SLC25A30: variants seen among roughly 807,000 people sequenced by gnomAD.
SLC25A30 encodes kidney mitochondrial carrier protein 1.
Under a neutral mutation model 42.7 loss-of-function variants are expected in SLC25A30, and 29 were observed. The observed-to-expected ratio is 0.68, with a 90% CI of 0.51 to 0.93. The LOEUF (loss-of-function observed/expected upper bound fraction) is 0.93. Among genes scored for constraint, SLC25A30 ranks in the 40% least tolerant of loss-of-function variants. The probability of loss-of-function intolerance (pLI) is 0.00; values close to 1 mark genes in which losing one functional copy is unlikely to be tolerated. For missense variants in SLC25A30, 300 were observed against 359.7 expected (o/e 0.83, Z 1.34); for synonymous variants, 124 against 131.0 (o/e 0.95, Z 0.37).
chr13:45,411,995 G>A (rs1351921226), intron 1 of SLC25A30: 3 of 118,906 alleles, frequency 2.5e-5, no homozygotes, highest in East Asian at 5.9e-4. Context: ...CTATCTTAGT[G>A]AGTCCTTACT....
rs1881117270 is a variant in SLC25A30, at chr13:45,393,762, G to A, written c.*2212C>T. 9.1e-6 allele frequency: 9 copies of A among 985,226 alleles called. No homozygotes were observed. In the South Asian group the frequency reaches 3.8e-4, roughly 41 times the overall value. The allele number at this position is 985,226 out of a possible 1,614,324, so 61.0% of individuals were successfully genotyped here. On this transcript the variant is annotated 3_prime_UTR_variant, in exon 10 of 10. Coordinates refer to ENST00000519676, the MANE Select transcript of SLC25A30 (RefSeq NM_001010875.4). ...AGCAGGTTAAGATCCTGTTCAATAAGGCACTTAATAAGTCTACACTGAAGA... is the reference window on the plus strand; with the variant it reads ...AGCAGGTTAAGATCCTGTTCAATAAAGCACTTAATAAGTCTACACTGAAGA...
At chr13:45,402,460 T>G in intron 5 of SLC25A30, 90 bp from the exon 6 acceptor site, 2 of 1,048,836 alleles carry the variant, frequency 1.9e-6, no homozygotes, top group Non-Finnish European at 2.9e-6. Context: ...AGTCCGTCAG[T>G]CAGTTGCTTA....
chr13:45,425,013 A>T, the SLC25A30 span, among the ~76,000 whole-genome samples: 18 of 14,550 alleles, frequency 1.2e-3, no homozygotes, highest in East Asian at 7.1e-3. Context: ...AATATATATA[A>T]ATATACATAT....
At chr13:45,405,785 T>C in intron 4 of SLC25A30, 98 bp downstream of exon 4, 5 of 1,082,728 alleles carry the variant, frequency 4.6e-6, no homozygotes, top group Middle Eastern at 2.1e-4. Context: ...AGTAGGAAAG[T>C]CACAAATAAG....
the SLC25A30 span, among the ~76,000 whole-genome samples, chr13:45,432,768 G>A: frequency 7.0e-4 from 106 of 151,632 alleles, no homozygotes; most frequent in African/African-American, 2.3e-3. Context: ...CAGGTGTGGT[G>A]GTTTGCACCT....
chr13:45,423,259 T>C (rs1250236045), upstream of SLC25A30, among the ~76,000 whole-genome samples: 2 of 151,896 alleles, frequency 1.3e-5, no homozygotes, highest in Non-Finnish European at 2.9e-5. Flanking sequence ...TTGTAAGTCC[T>C]GCTAAAAAGT....
chr13:45,431,261 G>A, the SLC25A30 span, among the ~76,000 whole-genome samples: 37,287 of 37,312 alleles, frequency 1, 18,631 homozygotes, highest in Middle Eastern at 1. Context: ...TGCCTAGGCT[G>A]GTCTCGAACT....
intron 9 of SLC25A30, 104 bp from the exon 10 acceptor site, chr13:45,396,119 C>G: frequency 1.9e-6 from 3 of 1,608,770 alleles, no homozygotes; most frequent in Non-Finnish European, 2.5e-6. Context: ...TAGGTACAGG[C>G]AGACCCACGC....
At chr13:45,399,845 C>G (rs75585499) in intron 7 of SLC25A30, among the ~76,000 whole-genome samples, 7,518 of 151,762 alleles carry the variant, frequency 0.05, 401 homozygotes, top group African/African-American at 0.13. Context: ...TTCAGTCCCA[C>G]AAGACTACCA....
At chr13:45,423,511 T>G in the SLC25A30 span, among the ~76,000 whole-genome samples, 1 of 129,706 alleles carries the variant, frequency 7.7e-6, no homozygotes, top group Admixed American at 9.8e-5. Context: ...AAGAATAGTT[T>G]ATATATATAT....
chr13:45,404,244 C>A, intron 5 of SLC25A30, 83 bp downstream of exon 5: 1 of 944,240 alleles, frequency 1.1e-6, no homozygotes, highest in Non-Finnish European at 1.7e-6. Flanking sequence ...ACAGATGTTA[C>A]ATTCACAGAT....
chr13:45,431,038 C>CTTTTGT, the SLC25A30 span, among the ~76,000 whole-genome samples: 160 of 151,882 alleles, frequency 1.1e-3, no homozygotes, highest in Non-Finnish European at 1.6e-3. Context: ...TTGCACGCTT[C>CTTTTGT]TTTTGTTTTT....
intron 3 of SLC25A30, among the ~76,000 whole-genome samples, chr13:45,407,489 G>A (rs1254565865): frequency 6.6e-6 from 1 of 152,138 alleles, no homozygotes; most frequent in East Asian, 1.9e-4. Flanking sequence ...GAGCCTGGGA[G>A]GTAGAGGCTG....
At chr13:45,430,466 A>G in the SLC25A30 span, among the ~76,000 whole-genome samples, 1 of 152,204 alleles carries the variant, frequency 6.6e-6, no homozygotes. Context: ...GATGAAGCAG[A>G]TAACTGTTCT....
rs528971350 is a variant in SLC25A30, at chr13:45,397,979, G to T, written c.754-641C>A. ...GGTCACAAATAAAGAAGCAATAGTG[G>T]TAGAGATATCATTCAGAGTACCACT... is the stretch of plus-strand genomic sequence containing the variant. On this transcript the variant is annotated intron_variant, in intron 8 of 9. Coordinates refer to ENST00000519676, the MANE Select transcript of SLC25A30 (RefSeq NM_001010875.4). 61 of 985,362 alleles carry T rather than the reference G, an allele frequency of 6.2e-5. No homozygotes were observed. In the East Asian group the frequency reaches 6.4e-3, roughly 103 times the overall value. 61.0% of individuals were successfully genotyped at this position (985,362 alleles called of 1,614,324 possible). A position where few individuals can be genotyped will look rare whatever the true frequency, so the allele number is the denominator to read the frequency against.
Position 45,395,889 on chromosome 13 carries a change from A to C in SLC25A30, c.*85T>G. On this transcript the variant is annotated 3_prime_UTR_variant, in exon 10 of 10. Transcript: ENST00000519676. ...TCCCAGAATCTGTGATGAGCCAAGCAGTGAGAAGCAGAGTGAAACACAGGA... is the reference window on the plus strand; with the variant it reads ...TCCCAGAATCTGTGATGAGCCAAGCCGTGAGAAGCAGAGTGAAACACAGGA... 6.2e-7 allele frequency: 1 copy of C among 1,612,790 alleles called. No homozygotes were observed. Among genetic ancestry groups the C allele is most frequent in the East Asian group, 2.2e-5 (1 of 44,848 alleles).
At position 45,395,798 on chromosome 13, in the gene SLC25A30, G is replaced by GA. The variant is rs1426040893; in HGVS notation, c.*175dup. The GA allele has an allele frequency of 6.7e-7, 1 of 1,487,024 alleles. No individual in the cohort carries two copies. The highest frequency in any genetic ancestry group is 1.4e-5 in the African/African-American group (1 of 71,566). The allele number at this position is 1,487,024 out of a possible 1,614,324, so 92.1% of individuals were successfully genotyped here. A position where few individuals can be genotyped will look rare whatever the true frequency, so the allele number is the denominator to read the frequency against. ...TGTTAGTTTATGCCATTAAACGTTT[G>GA]ATGAAGAGCATCCAATGCCAACACA... is the stretch of plus-strand genomic sequence containing the variant. On this transcript the variant is annotated 3_prime_UTR_variant, in exon 10 of 10. Transcript: ENST00000519676.
intron 8 of SLC25A30, chr13:45,398,104 G>A: frequency 2.0e-6 from 2 of 976,136 alleles, no homozygotes; most frequent in Non-Finnish European, 2.4e-6. Flanking sequence ...TGGAAAACAG[G>A]AACCACAAAA....
chr13:45,423,666 T>TAAAAATATATATAAAATATATATA, the SLC25A30 span, among the ~76,000 whole-genome samples: 1 of 11,076 alleles, frequency 9.0e-5, no homozygotes, highest in East Asian at 3.4e-3. Context: ...TAAATATATA[T>TAAAAATATATATAAAATATATATA]AAAATACATA....
Sources: allele counts gnomAD v4.1 joint callset (sites outside exome capture counted in the v4.1 genomes callset), GRCh38; gene constraint gnomAD v4.1.1; transcripts MANE v1.5; gene names NCBI Gene and HGNC (gene_info 2026-07-23, HGNC 2026-07-21).